The following RGS22 variants were observed in gnomAD, a reference collection of about 807,000 sequenced individuals.
RGS22 encodes regulator of G-protein signaling 22.
RGS22 carries 148 observed loss-of-function variants against 172.9 expected under a neutral mutation model. The ratio of observed to expected loss-of-function variants is 0.86; its 90% confidence interval spans 0.75 to 0.98. The LOEUF is 0.98. Ranked by LOEUF, RGS22 falls within the 50% of genes least tolerant of loss-of-function variation. RGS22 has a pLI of 0.00. For missense variants in RGS22, 1,347 were observed against 1,440.8 expected, an observed-to-expected ratio of 0.93 and a Z score of 1.05; for synonymous variants, 458 against 480.2, an observed-to-expected ratio of 0.95 and a Z score of 0.60.
Position 100,102,113 on chromosome 8 carries a change from C to G in RGS22, c.54+3261G>C, listed in dbSNP as rs1813541168. Among the ~76,000 whole-genome samples the G allele has an allele frequency of 2.0e-5, 3 of 152,154 alleles. No individual in the cohort carries two copies. The South Asian group carries it at 6.2e-4, about 32-fold the overall frequency. On this transcript the variant is annotated intron_variant, in intron 2 of 27. Transcript: ENST00000360863. ...CTGGCAGAAAAGAAGAAAAAGGGCT[C>G]ATTCTTTCCTTCTACACTTATGTAA...
intron 14 of RGS22, among the ~76,000 whole-genome samples, chr8:100,019,080 T>A (rs1817325744): frequency 6.6e-6 from 1 of 152,182 alleles, no homozygotes; most frequent in African/African-American, 2.4e-5. Context: ...AGCTATGGGA[T>A]TAGATTCCAA....
intron 11 of RGS22, among the ~76,000 whole-genome samples, chr8:100,046,778 A>G (rs1820767958): frequency 1.3e-5 from 2 of 151,718 alleles, no homozygotes; most frequent in Admixed American, 6.6e-5. Context: ...TTTGCTTACG[A>G]GAGTCAAAGA....
chr8:99,961,333 G>A (rs2131056828), intron 27 of RGS22, 137 bp from the exon 28 acceptor site: 1 of 355,222 alleles, frequency 2.8e-6, no homozygotes, highest in East Asian at 7.7e-5. Flanking sequence ...ATCTCATCTT[G>A]TAGTTCCCAT....
chr8:99,991,862 G>T (rs1813762613), intron 20 of RGS22, among the ~76,000 whole-genome samples: 1 of 152,204 alleles, frequency 6.6e-6, no homozygotes, highest in African/African-American at 2.4e-5. Context: ...AGGGCAGCCA[G>T]AGAGAAATGT....
intron 14 of RGS22, among the ~76,000 whole-genome samples, chr8:100,020,561 TCA>T (rs1253851877): frequency 2.6e-5 from 4 of 152,088 alleles, no homozygotes; most frequent in Non-Finnish European, 5.9e-5. Flanking sequence ...TGGAGAGGAT[TCA>T]CAGTGATGCT....
chr8:99,987,163 A>T (rs1253083743), intron 21 of RGS22, among the ~76,000 whole-genome samples: 2 of 152,178 alleles, frequency 1.3e-5, no homozygotes, highest in African/African-American at 4.8e-5. Flanking sequence ...TTTAAGTATC[A>T]TGTTGGCACT....
chr8:100,002,493 AT>A, intron 17 of RGS22, 129 bp from the exon 18 acceptor site: 2 of 772,754 alleles, frequency 2.6e-6, no homozygotes, highest in Non-Finnish European at 4.0e-6. Flanking sequence ...GATCATGGAA[AT>A]AACGAACCCA....
chr8:99,994,168 G>A (rs1219423638), intron 20 of RGS22, among the ~76,000 whole-genome samples: 4 of 152,130 alleles, frequency 2.6e-5, no homozygotes, highest in Admixed American at 2.0e-4. Flanking sequence ...ATACTGAATG[G>A]GCAAAAACTG....
intron 14 of RGS22, among the ~76,000 whole-genome samples, chr8:100,011,081 A>C (rs968918964): frequency 1.1e-4 from 16 of 152,084 alleles, no homozygotes; most frequent in Admixed American, 7.9e-4. Context: ...GGGAGCTTTA[A>C]AACCTATGGA....
intron 20 of RGS22, among the ~76,000 whole-genome samples, chr8:99,995,454 A>G (rs1814261031): frequency 6.6e-6 from 1 of 152,240 alleles, no homozygotes; most frequent in South Asian, 2.1e-4. Context: ...TGGGCGAAGG[A>G]TATGAGCAGA....
intron 14 of RGS22, among the ~76,000 whole-genome samples, chr8:100,013,008 C>T (rs1018939065): frequency 1.7e-4 from 18 of 103,838 alleles, no homozygotes; most frequent in South Asian, 3.3e-4. Context: ...TTTTTTGAGA[C>T]GGAGTCAGTC....
intron 14 of RGS22, among the ~76,000 whole-genome samples, chr8:100,022,932 G>A (rs975646838): frequency 3.3e-5 from 5 of 151,920 alleles, no homozygotes; most frequent in Non-Finnish European, 5.9e-5. Flanking sequence ...GTTTTGTTAT[G>A]CTGCCCAGGC....
At chr8:100,045,068 G>A (rs1171092367) in intron 11 of RGS22, among the ~76,000 whole-genome samples, 3 of 151,830 alleles carry the variant, frequency 2.0e-5, no homozygotes, top group Non-Finnish European at 4.4e-5. Context: ...CTTGAGGCCA[G>A]GAGTTCAAGA....
At chr8:99,987,273 G>A (rs140086048) in intron 21 of RGS22, among the ~76,000 whole-genome samples, 185 bp downstream of exon 21, 85 of 152,206 alleles carry the variant, frequency 5.6e-4, no homozygotes, top group African/African-American at 1.9e-3. Context: ...ACTCTTCACT[G>A]TATAATAATA....
At chr8:99,994,826 G>C (rs1458753169) in intron 20 of RGS22, among the ~76,000 whole-genome samples, 1 of 152,114 alleles carries the variant, frequency 6.6e-6, no homozygotes, top group Non-Finnish European at 1.5e-5. Context: ...TAAGCAAAAA[G>C]AACAAAGCTG....
intron 19 of RGS22, among the ~76,000 whole-genome samples, chr8:99,999,031 T>C (rs1222373832): frequency 6.6e-6 from 1 of 151,982 alleles, no homozygotes; most frequent in Non-Finnish European, 1.5e-5. Context: ...TGGTAGTGCA[T>C]GCCTGTAGTC....
chr8:99,994,397 G>A (rs1407217316), intron 20 of RGS22, among the ~76,000 whole-genome samples: 1 of 152,200 alleles, frequency 6.6e-6, no homozygotes, highest in Admixed American at 6.5e-5. Flanking sequence ...TCCTTAAGCT[G>A]ATAAGCAACT....
intron 17 of RGS22, among the ~76,000 whole-genome samples, chr8:100,002,679 G>A (rs1422607242): frequency 6.6e-6 from 1 of 152,182 alleles, no homozygotes; most frequent in Non-Finnish European, 1.5e-5. Flanking sequence ...TCAAAAATGA[G>A]AAAATTTCCA....
chr8:100,062,791 T>C (rs1364129018), intron 8 of RGS22, 39 bp from the exon 9 acceptor site: 1 of 1,477,234 alleles, frequency 6.8e-7, no homozygotes, highest in East Asian at 2.3e-5. Context: ...ACACACACAT[T>C]GGTAGAATAT....
Sources: allele counts gnomAD v4.1 joint callset (sites outside exome capture counted in the v4.1 genomes callset), GRCh38; gene constraint gnomAD v4.1.1; transcripts MANE v1.5; gene names NCBI Gene and HGNC (gene_info 2026-07-23, HGNC 2026-07-21).